The following FOXO3 variants were observed in gnomAD, a reference collection of about 807,000 sequenced individuals.
FOXO3 encodes forkhead box protein O3.
Under a neutral mutation model 41.9 loss-of-function variants are expected in FOXO3, and 4 were observed. The ratio of observed to expected loss-of-function variants is 0.10; its 90% confidence interval spans 0.05 to 0.22. FOXO3 has a LOEUF of 0.22. Ranked by LOEUF, FOXO3 falls within the 10% of genes least tolerant of loss-of-function variation. FOXO3 has a pLI of 1.00. For missense variants in FOXO3, 534 were observed against 906.8 expected (o/e 0.59, Z 5.28); for synonymous variants, 318 against 389.3 (o/e 0.82, Z 2.16).
At chr6:108,595,824 T>G (rs1393151127) in intron 1 of FOXO3, among the ~76,000 whole-genome samples, 1 of 152,196 alleles carries the variant, frequency 6.6e-6, no homozygotes, top group Admixed American at 6.5e-5. Context: ...AGGGGCCTGA[T>G]GGTGTTCAAA....
chr6:108,683,251 A>G lies in FOXO3; in HGVS notation c.*3459A>G, dbSNP rs1286060766. The G allele has an allele frequency of 6.6e-6, 1 of 152,208 alleles. No homozygotes were observed. The highest frequency in any genetic ancestry group is 2.4e-5 in the African/African-American group (1 of 41,420). 9.4% of individuals were successfully genotyped at this position (152,208 alleles called of 1,614,324 possible). A position where few individuals can be genotyped will look rare whatever the true frequency, so the allele number is the denominator to read the frequency against. On this transcript the variant is annotated 3_prime_UTR_variant, in exon 3 of 3. Transcript: ENST00000406360. ...GTTGCTTCCCCACCCTGAGGAGAGG[A>G]CACCATGGCTTACTACTCAGGACAA...
intron 1 of FOXO3, among the ~76,000 whole-genome samples, chr6:108,616,812 C>T (rs1777527750): frequency 6.6e-6 from 1 of 152,174 alleles, no homozygotes; most frequent in African/African-American, 2.4e-5. Flanking sequence ...CACTCCTTTT[C>T]AGCCTATATT....
intron 1 of FOXO3, among the ~76,000 whole-genome samples, chr6:108,598,038 G>C (rs1194842189): frequency 6.6e-6 from 1 of 152,120 alleles, no homozygotes; most frequent in Non-Finnish European, 1.5e-5. Flanking sequence ...ATTAAAGCAA[G>C]CAAGAAAAAA....
chr6:108,562,435 T>C (rs1375468919), intron 1 of FOXO3, among the ~76,000 whole-genome samples: 1 of 152,112 alleles, frequency 6.6e-6, no homozygotes, highest in Non-Finnish European at 1.5e-5. Context: ...TTGCCTATAT[T>C]GATACCTTTT....
Position 108,643,600 on chromosome 6 carries a change from A to C in FOXO3, c.622-19855A>C, listed in dbSNP as rs192390958. ...TGGTTATGGAATGAGAGGGCTGTTC[A>C]GTGGCAACCCAACAATTTCTTCTCT... On this transcript the variant is annotated intron_variant, in intron 1 of 2. Transcript: ENST00000406360. 3.3e-4 allele frequency among the ~76,000 whole-genome samples: 51 copies of C among 152,304 alleles called. No individual in the cohort carries two copies. In the East Asian group the frequency reaches 8.5e-3, roughly 25 times the overall value.
rs142382024 is a variant in FOXO3 at position 108,670,408 on chromosome 6, C to A, written c.*34+5519C>A. Among the ~76,000 whole-genome samples the A allele has an allele frequency of 7.1e-3, 1,067 of 151,208 alleles. 4 individuals carry two copies. The highest frequency in any genetic ancestry group is 0.02 in the Middle Eastern group (6 of 294). ...GTTTTGCAAATTAGTATTTAGAGGT[C>A]CTGTAAGTCAATGTTTCTCAAAATG... On this transcript the variant is annotated intron_variant, in intron 2 of 2. Coordinates refer to ENST00000406360, the MANE Select transcript of FOXO3 (RefSeq NM_001455.4).
intron 1 of FOXO3, among the ~76,000 whole-genome samples, chr6:108,646,009 A>G (rs1052421377): frequency 1.3e-5 from 2 of 152,168 alleles, no homozygotes; most frequent in Non-Finnish European, 2.9e-5. Context: ...ATTCTCATGT[A>G]AAAGAAGTCT....
intron 1 of FOXO3, among the ~76,000 whole-genome samples, chr6:108,628,859 A>C (rs1157719493): frequency 6.6e-6 from 1 of 152,146 alleles, no homozygotes; most frequent in African/African-American, 2.4e-5. Context: ...TTACACAATA[A>C]GTTCTTGGTG....
At chr6:108,652,270 G>A (rs866586113) in intron 1 of FOXO3, among the ~76,000 whole-genome samples, 25 of 152,346 alleles carry the variant, frequency 1.6e-4, no homozygotes, top group Middle Eastern at 3.4e-3. Context: ...GTTAGGACAT[G>A]ATAGTAGTGT....
At chr6:108,586,394 C>T (rs1390541641) in intron 1 of FOXO3, among the ~76,000 whole-genome samples, 2 of 152,196 alleles carry the variant, frequency 1.3e-5, no homozygotes, top group East Asian at 3.9e-4. Flanking sequence ...AAACGACATT[C>T]TCCTGCTTGA....
Position 108,636,704 on chromosome 6 carries a change from A to G in FOXO3, c.622-26751A>G, listed in dbSNP as rs550398237. ...AAGTTTGTGAGGATGAGGATCAGAG[A>G]ATAAGGGACCTTCCTTTGACATATG... On this transcript the variant is annotated intron_variant, in intron 1 of 2. Coordinates refer to ENST00000406360, the MANE Select transcript of FOXO3 (RefSeq NM_001455.4). Among the ~76,000 whole-genome samples the G allele has an allele frequency of 7.9e-5, 12 of 152,206 alleles. No homozygotes were observed. The South Asian group carries it at 2.1e-3, about 26-fold the overall frequency.
chr6:108,683,475 A>G lies in FOXO3; in HGVS notation c.*3683A>G, dbSNP rs1043713934. On this transcript the variant is annotated 3_prime_UTR_variant, in exon 3 of 3. Coordinates refer to ENST00000406360, the MANE Select transcript of FOXO3 (RefSeq NM_001455.4). ...TTGGTGCCAAGGACTTGCGAGGGGAAATAAAAATGTTATCCAGCCTGACCA... is the reference window on the plus strand; with the variant it reads ...TTGGTGCCAAGGACTTGCGAGGGGAGATAAAAATGTTATCCAGCCTGACCA... 1 of 152,178 alleles carries G rather than the reference A, an allele frequency of 6.6e-6. No individual in the cohort carries two copies. The highest frequency in any genetic ancestry group is 1.5e-5 in the Non-Finnish European group (1 of 68,044). 9.4% of individuals were successfully genotyped at this position (152,178 alleles called of 1,614,324 possible). A position where few individuals can be genotyped will look rare whatever the true frequency, so the allele number is the denominator to read the frequency against.
intron 1 of FOXO3, among the ~76,000 whole-genome samples, chr6:108,613,089 T>G (rs1582777906): frequency 6.6e-6 from 1 of 152,252 alleles, no homozygotes; most frequent in East Asian, 1.9e-4. Flanking sequence ...TAAACCAACC[T>G]TACATTCCTG....
At chr6:108,623,255 A>AT (rs1562248177) in intron 1 of FOXO3, among the ~76,000 whole-genome samples, 1 of 152,182 alleles carries the variant, frequency 6.6e-6, no homozygotes, top group Non-Finnish European at 1.5e-5. Context: ...TGATTAGCTT[A>AT]TAAGTTGGCC....
At chr6:108,669,376 A>G (rs1031155214) in intron 2 of FOXO3, among the ~76,000 whole-genome samples, 1 of 152,176 alleles carries the variant, frequency 6.6e-6, no homozygotes, top group Non-Finnish European at 1.5e-5. Context: ...TGGGGATAGG[A>G]CTAATTCTAA....
intron 1 of FOXO3, among the ~76,000 whole-genome samples, chr6:108,620,963 T>C (rs754569391): frequency 2.0e-5 from 3 of 152,182 alleles, no homozygotes; most frequent in Non-Finnish European, 4.4e-5. Flanking sequence ...ACCAAAAATA[T>C]TAAAATGCCT....
intron 2 of FOXO3, among the ~76,000 whole-genome samples, chr6:108,667,471 C>T (rs925364226): frequency 3.3e-5 from 5 of 152,144 alleles, no homozygotes; most frequent in East Asian, 1.9e-4. Flanking sequence ...CTTTCTAGTT[C>T]GTTGGAAAAT....
At chr6:108,653,290 G>C (rs1311451533) in intron 1 of FOXO3, among the ~76,000 whole-genome samples, 1 of 152,072 alleles carries the variant, frequency 6.6e-6, no homozygotes, top group East Asian at 1.9e-4. Flanking sequence ...ACAATTTTTT[G>C]ACCCCCTACT....
intron 1 of FOXO3, among the ~76,000 whole-genome samples, chr6:108,617,433 A>C (rs1777544856): frequency 6.6e-6 from 1 of 152,130 alleles, no homozygotes; most frequent in African/African-American, 2.4e-5. Context: ...TTAAACAGTA[A>C]GACGCTTGAC....
Sources: gnomAD v4.1 joint callset for allele counts (sites outside exome capture counted in the v4.1 genomes callset) on GRCh38, gnomAD v4.1.1 for gene constraint, MANE v1.5 for transcripts, NCBI Gene and HGNC (gene_info 2026-07-23, HGNC 2026-07-21) for gene names.